Variants in RHOT2 observed in about 807,000 individuals in gnomAD.
RHOT2 encodes the protein mitochondrial Rho GTPase 2.
A neutral mutation model predicts 81.6 loss-of-function variants in RHOT2; 90 were observed. The ratio of observed to expected loss-of-function variants is 1.10; its 90% CI spans 0.93 to 1.31. The LOEUF (loss-of-function observed/expected upper bound fraction) is 1.31. Among genes scored for constraint, RHOT2 ranks in the 40% most tolerant of loss-of-function variants. The pLI, the probability that RHOT2 is intolerant of heterozygous loss-of-function variation, is 0.00. For missense variants in RHOT2, 1,014 were observed against 841.9 expected (o/e 1.20, Z -2.53); for synonymous variants, 512 against 370.9 (o/e 1.38, Z -4.37).
At position 672,397 on chromosome 16, in the gene RHOT2, G is replaced by C. The variant is rs2039116579; in HGVS notation, c.1326+13G>C. On this transcript the variant is annotated intron_variant, in intron 15 of 18. Transcript: ENST00000315082. Reference sequence around the variant, plus strand: ...CCGCGGCCTGGGGGTAAGCACCCTAGACTCCCCCACCACCCCAGGGGCTCC... The same window carrying C: ...CCGCGGCCTGGGGGTAAGCACCCTACACTCCCCCACCACCCCAGGGGCTCC... The C allele has an allele frequency of 6.2e-7, 1 of 1,608,338 alleles. No individual in the cohort carries two copies. Among genetic ancestry groups the C allele is most frequent in the East Asian group, 2.2e-5 (1 of 44,758 alleles).
chr16:668,826 C>A, intron 4 of RHOT2, 127 bp downstream of exon 4: 1 of 1,053,850 alleles, frequency 9.5e-7, no homozygotes, highest in Non-Finnish European at 1.3e-6. Context: ...GACCTCCGCA[C>A]TGAGGGTTGT....
chr16:668,688 G>A lies in RHOT2; in HGVS notation c.211G>A (p.Glu71Lys), dbSNP rs371189481. Reference sequence around the variant, plus strand: ...GCAGACGGACGAGGAGCTGCGGGAGGAGATCCACAAGGTACCCGTGGTGCG... The same window carrying A: ...GCAGACGGACGAGGAGCTGCGGGAGAAGATCCACAAGGTACCCGTGGTGCG... ...AEQTDEELRE[E>K]IHKANVVCVV... The change falls in exon 4 of 19, where the codon GAG (glutamate) becomes AAG (lysine). Residue 71 changes from glutamate (E) to lysine (K), a missense_variant. Glu to Lys is a moderately conservative substitution (Grantham distance 56). Coordinates refer to ENST00000315082, the MANE Select transcript of RHOT2 (RefSeq NM_138769.3). The A allele has an allele frequency of 1.3e-5, 21 of 1,603,652 alleles. No individual in the cohort carries two copies. The highest frequency in any genetic ancestry group is 2.2e-5 in the South Asian group (2 of 89,710).
Position 670,494 on chromosome 16 carries a change from C to A in RHOT2, c.477C>A (p.Phe159Leu), listed in dbSNP as rs1045819343. The change falls in exon 8 of 19, where the codon TTC (phenylalanine) becomes TTA (leucine). Residue 159 changes from phenylalanine to leucine, a missense_variant. Physicochemically the swap from Phe to Leu is conservative, Grantham distance 22. Transcript: ENST00000315082. ...ACCTGAGGAACATCTCAGAGCTGTTCTACTACGCCCAGAAGGCCGTCCTGC... is the reference window on the plus strand; with the variant it reads ...ACCTGAGGAACATCTCAGAGCTGTTATACTACGCCCAGAAGGCCGTCCTGC... ...AKNLRNISEL[F>L]YYAQKAVLHP... is the part of the protein sequence containing the mutation. 2 of 1,608,452 alleles carry A rather than the reference C, an allele frequency of 1.2e-6. No individual in the cohort carries two copies. The highest frequency in any genetic ancestry group is 1.7e-6 in the Non-Finnish European group (2 of 1,177,594).
At chr16:671,243 G>A (rs374427659) in intron 11 of RHOT2, 40 bp downstream of exon 11, 49 of 1,515,318 alleles carry the variant, frequency 3.2e-5, no homozygotes, top group African/African-American at 5.6e-5. Flanking sequence ...CTCCCCGAGG[G>A]TCAGGAGCTG....
intron 4 of RHOT2, chr16:668,910 C>G: frequency 1.8e-6 from 1 of 542,760 alleles, no homozygotes; most frequent in Non-Finnish European, 3.2e-6. Context: ...TAACAGGACC[C>G]TTCCCCGCGG....
chr16:672,915 T>C lies in RHOT2; in HGVS notation c.1528-13T>C, dbSNP rs2039213974. ...ACCCCAGGACTGTACCTCATACCAC[T>C]CTCTGCCCACAGCACCATTACATGG... On this transcript the variant is annotated splice_polypyrimidine_tract_variant and intron_variant, in intron 17 of 18. Coordinates refer to ENST00000315082, the MANE Select transcript of RHOT2 (RefSeq NM_138769.3). 6.2e-7 allele frequency: 1 copy of C among 1,612,580 alleles called. No homozygotes were observed.
In RHOT2 at chr16:672,307, C is replaced by T; in HGVS notation, c.1249C>T (p.Leu417Phe). The change falls in exon 15 of 19, where the codon CTC becomes TTC. Residue 417 changes from leucine to phenylalanine, a missense_variant. Leu to Phe is a conservative substitution (Grantham distance 22). Transcript: ENST00000315082. ...QEKGQTQRSV[L>F]LCKVVGARGV... The stretch of plus-strand genomic sequence containing the variant: ...GAAGGGACAGACGCAGCGGAGCGTC[C>T]TCCTGTGCAAGGTGGTAGGGGCCCG... 1.9e-6 allele frequency: 3 copies of T among 1,612,432 alleles called. No homozygotes were observed. Among genetic ancestry groups the T allele is most frequent in the South Asian group, 1.1e-5 (1 of 91,024 alleles).
rs760672184 is a variant in RHOT2 at position 670,555 on chromosome 16, C to T, written c.538C>T (p.Gln180Ter). 1.9e-6 allele frequency: 3 copies of T among 1,603,410 alleles called. No homozygotes were observed. In the East Asian group the frequency reaches 6.7e-5, roughly 36 times the overall value. Reference protein sequence around the residue: ...TAPLYDPEAKQLRPACAQALT... With the variant: ...TAPLYDPEAK ...CCCCCTCTATGACCCTGAGGCCAAGCAGGTGAGCATCGGCTGGGGCCCCGC... is the reference window on the plus strand; with the variant it reads ...CCCCCTCTATGACCCTGAGGCCAAGTAGGTGAGCATCGGCTGGGGCCCCGC... Residue 180 changes from glutamine to a stop codon, truncating the protein, a stop_gained and splice_region_variant, in exon 8 of 19, where the codon CAG becomes TAG. Transcript: ENST00000315082. LOFTEE classifies it high-confidence loss of function.
Position 673,710 on chromosome 16 carries a change from A to G in RHOT2, c.*104A>G. On this transcript the variant is annotated 3_prime_UTR_variant, in exon 19 of 19. Coordinates refer to ENST00000315082, the MANE Select transcript of RHOT2 (RefSeq NM_138769.3). ...GTGCAGGCCAGGCTGCCACTCCGGG[A>G]ACGCCTTTGCGCCGGGACTTTTTGT... The G allele has an allele frequency of 2.1e-6, 3 of 1,426,954 alleles. No homozygotes were observed. Among genetic ancestry groups the G allele is most frequent in the Non-Finnish European group, 2.8e-6 (3 of 1,054,824 alleles). The allele number at this position is 1,426,954 out of a possible 1,614,324, so 88.4% of individuals were successfully genotyped here.
intron 8 of RHOT2, 57 bp from the exon 9 acceptor site, chr16:670,618 G>A (rs1275782977): frequency 3.1e-6 from 5 of 1,602,756 alleles, no homozygotes; most frequent in African/African-American, 2.7e-5. Context: ...TGCTGGGTGG[G>A]GCGGTGTGGC....
intron 4 of RHOT2, 177 bp from the exon 5 acceptor site, chr16:669,376 A>G: frequency 1.6e-6 from 1 of 639,302 alleles, no homozygotes. Flanking sequence ...CTGCTCTGCC[A>G]ACACCAGGCT....
In RHOT2 at chr16:670,466, A is replaced by AT; in HGVS notation, c.449_450insT (p.Lys150AsnfsTer26). 1 of 1,606,284 alleles carries AT rather than the reference A, an allele frequency of 6.2e-7. No individual in the cohort carries two copies. Among genetic ancestry groups the AT allele is most frequent in the Non-Finnish European group, 8.5e-7 (1 of 1,176,396 alleles). Reference sequence around the variant, plus strand: ...TTCCCACTTTCCCAGTGTTCGGCCAAGAACCTGAGGAACATCTCAGAGCTG... The same window carrying AT: ...TTCCCACTTTCCCAGTGTTCGGCCAATGAACCTGAGGAACATCTCAGAGCTG... On this transcript the variant is annotated frameshift_variant, in exon 8 of 19. Coordinates refer to ENST00000315082, the MANE Select transcript of RHOT2 (RefSeq NM_138769.3). LOFTEE classifies it high-confidence loss of function.
chr16:668,954 G>T (rs966119157), intron 4 of RHOT2: 2 of 531,316 alleles, frequency 3.8e-6, no homozygotes, highest in Non-Finnish European at 6.5e-6. Context: ...TGGCAGCAGC[G>T]TTTGCTCTTC....
In RHOT2 at chr16:672,806, A is replaced by G. The variant is rs766672691; in HGVS notation, c.1508A>G (p.His503Arg). Residue 503 changes from histidine to arginine, a missense_variant, in exon 17 of 19, where the codon CAT (histidine) becomes CGT (arginine). Coordinates refer to ENST00000315082, the MANE Select transcript of RHOT2 (RefSeq NM_138769.3). ...FDGSDPKSFA[H>R]CASVYKHHYM... ...GGCAGTGACCCAAAGTCCTTTGCAC[A>G]TTGTGCCAGCGTCTACAAGGTGGGG... The G allele has an allele frequency of 6.4e-5, 104 of 1,612,502 alleles. No individual in the cohort carries two copies. Among genetic ancestry groups the G allele is most frequent in the Non-Finnish European group, 8.6e-5 (101 of 1,179,986 alleles).
At chr16:668,856 C>A in intron 4 of RHOT2, 157 bp downstream of exon 4, 1 of 707,716 alleles carries the variant, frequency 1.4e-6, no homozygotes, top group Non-Finnish European at 2.2e-6. Flanking sequence ...TACAGCGCAC[C>A]CCGCTGGGAG....
At chr16:671,609 C>T in intron 11 of RHOT2, 88 bp from the exon 12 acceptor site, 2 of 1,427,866 alleles carry the variant, frequency 1.4e-6, no homozygotes, top group South Asian at 1.2e-5. Context: ...GGTCCGGCTG[C>T]ACCGATGGGG....
Position 673,533 on chromosome 16 carries a change from TG to T in RHOT2, c.1789del (p.Val597LeufsTer19). Reference protein sequence around the residue: ...HPSSFWLRGLLGVVGAAVAAV... With the variant: ...HPSSFWLRGLXGVVGAAVAAV... ...TCTTCCTTCTGGCTCCGGGGGCTGC[TG>T]GGGGTTGTCGGGGCCGCCGTGGCCG... On this transcript the variant is annotated frameshift_variant, in exon 19 of 19. Transcript: ENST00000315082. LOFTEE classifies it high-confidence loss of function. 1 of 1,612,626 alleles carries T rather than the reference TG, an allele frequency of 6.2e-7. No homozygotes were observed. The highest frequency in any genetic ancestry group is 8.5e-7 in the Non-Finnish European group (1 of 1,179,922).
intron 7 of RHOT2, 37 bp from the exon 8 acceptor site, chr16:670,419 T>A (rs1567241117): frequency 6.2e-7 from 1 of 1,606,604 alleles, no homozygotes; most frequent in Non-Finnish European, 8.5e-7. Context: ...GGTGCCCTCC[T>A]CGGGGCACTT....
At chr16:670,211 G>GCTCCCCTGC in intron 6 of RHOT2, 36 bp downstream of exon 6, 1 of 1,611,298 alleles carries the variant, frequency 6.2e-7, no homozygotes, top group Non-Finnish European at 8.5e-7. Context: ...GGGACCCCTG[G>GCTCCCCTGC]CTCCCCTGCC....
Sources: gnomAD v4.1 joint callset for allele counts on GRCh38, gnomAD v4.1.1 for gene constraint, MANE v1.5 for transcripts, NCBI Gene and HGNC (gene_info 2026-07-23, HGNC 2026-07-21) for gene names.